Variants in DENND1B observed in about 807,000 individuals in gnomAD.
DENND1B encodes DENN domain containing 1B.
DENND1B carries 59 observed loss-of-function variants against 90.1 expected under a neutral mutation model. That is an observed-to-expected ratio of 0.65 (90% CI 0.53 to 0.81). The LOEUF is 0.81. DENND1B is among the 40% of genes least tolerant of loss of function. The pLI is 0.00. For synonymous variants in DENND1B, 337 were observed against 324.6 expected (o/e 1.04, Z -0.41); for missense variants, 862 against 912.6 (o/e 0.94, Z 0.71).
intron 10 of DENND1B, 21 bp from the exon 11 acceptor site, chr1:197,617,780 A>G (rs1188710090): frequency 6.4e-7 from 1 of 1,573,218 alleles, no homozygotes; most frequent in Non-Finnish European, 8.7e-7. Flanking sequence ...TAAAAGGATA[A>G]CAAAAATAAG....
intron 13 of DENND1B, among the ~76,000 whole-genome samples, chr1:197,601,206 T>C (rs2125823896): frequency 6.7e-6 from 1 of 150,338 alleles, no homozygotes; most frequent in South Asian, 2.1e-4. Flanking sequence ...CTTAGCACAA[T>C]GCGTGTACAT....
intron 3 of DENND1B, among the ~76,000 whole-genome samples, chr1:197,688,146 A>T (rs931670070): frequency 3.3e-5 from 5 of 152,104 alleles, no homozygotes; most frequent in Non-Finnish European, 7.4e-5. Flanking sequence ...AAAACTATAA[A>T]ACACTGATGA....
chr1:197,645,711 TC>T lies in DENND1B; in HGVS notation c.539del (p.Gly180AspfsTer20). 6.4e-7 allele frequency: 1 copy of T among 1,565,588 alleles called. No individual in the cohort carries two copies. The highest frequency in any genetic ancestry group is 8.7e-7 in the Non-Finnish European group (1 of 1,155,696). The stretch of plus-strand genomic sequence containing the variant: ...TTACACTCTCGGGTATTGTTGGGAG[TC>T]CAGTTACATCAGGGGCAATGAAGTA... The part of the protein sequence containing the change: ...HSYFIAPDVT[G>X]LPTIPESRNL... On this transcript the variant is annotated frameshift_variant, in exon 9 of 23. Transcript: ENST00000620048. LOFTEE classifies it high-confidence loss of function.
Position 197,735,933 on chromosome 1 carries a change from G to C in DENND1B, c.83-20859C>G, listed in dbSNP as rs1259245836. The C allele has an allele frequency of 1.0e-5, 15 of 1,493,470 alleles. No homozygotes were observed. In the East Asian group the frequency reaches 3.4e-4, roughly 34 times the overall value. 92.5% of individuals were successfully genotyped at this position (1,493,470 alleles called of 1,614,324 possible). A position where few individuals can be genotyped will look rare whatever the true frequency, so the allele number is the denominator to read the frequency against. On this transcript the variant is annotated intron_variant, in intron 2 of 22. Coordinates refer to ENST00000620048, the MANE Select transcript of DENND1B (RefSeq NM_001195215.2). ...GGCCAAGAGGAATCAGAAACCTGAA[G>C]TTAGAAAGGCTCAACGAGAACAAGG...
intron 2 of DENND1B, among the ~76,000 whole-genome samples, chr1:197,754,732 AC>A (rs1293393962): frequency 6.7e-6 from 1 of 150,270 alleles, no homozygotes; most frequent in African/African-American, 2.5e-5. Flanking sequence ...GATGTTCATA[AC>A]AAATTATCAA....
rs563096644 is a variant in DENND1B, at chr1:197,508,555, T to A, written c.*1905A>T. On this transcript the variant is annotated 3_prime_UTR_variant, in exon 23 of 23. Coordinates refer to ENST00000620048, the MANE Select transcript of DENND1B (RefSeq NM_001195215.2). ...CCCAAATAACACATATCCATTTAGA[T>A]TTTGAAACGTAGGTTTTAAAAAAAC... The A allele has an allele frequency of 1.4e-4, 22 of 151,882 alleles. No homozygotes were observed. The highest frequency in any genetic ancestry group is 5.3e-4 in the African/African-American group (22 of 41,506). 9.4% of individuals were successfully genotyped at this position (151,882 alleles called of 1,614,324 possible). A position where few individuals can be genotyped will look rare whatever the true frequency, so the allele number is the denominator to read the frequency against.
intron 15 of DENND1B, among the ~76,000 whole-genome samples, chr1:197,571,925 A>G (rs137893237): frequency 5.2e-4 from 79 of 152,302 alleles, no homozygotes; most frequent in African/African-American, 1.9e-3. Context: ...AGATATGAAT[A>G]AAAATCTAAA....
chr1:197,692,770 T>C (rs780386703), intron 3 of DENND1B, among the ~76,000 whole-genome samples: 8 of 151,812 alleles, frequency 5.3e-5, no homozygotes, highest in Non-Finnish European at 1.0e-4. Context: ...TATCAAATTA[T>C]ATTTTTCAGT....
chr1:197,651,700 G>C (rs1305100531), intron 7 of DENND1B, among the ~76,000 whole-genome samples: 2 of 123,924 alleles, frequency 1.6e-5, no homozygotes, highest in East Asian at 5.3e-4. Context: ...CTGTCACCCA[G>C]GCTGGAGTGC....
At chr1:197,626,998 T>G (rs1200035323) in intron 10 of DENND1B, among the ~76,000 whole-genome samples, 8 of 152,164 alleles carry the variant, frequency 5.3e-5, no homozygotes, top group Admixed American at 4.6e-4. Context: ...AATCTCTGAA[T>G]AGACCAATAA....
In DENND1B at chr1:197,614,898, T is replaced by C. The variant is rs190823605; in HGVS notation, c.773+2761A>G. 3.0e-4 allele frequency among the ~76,000 whole-genome samples: 45 copies of C among 151,102 alleles called. No individual in the cohort carries two copies. In the East Asian group the frequency reaches 7.6e-3, roughly 26 times the overall value. ...AGTCCTACAGTCACACTACCTGCCATGTGTTTATGGACTTAGATAGGTTAA... is the reference window on the plus strand; with the variant it reads ...AGTCCTACAGTCACACTACCTGCCACGTGTTTATGGACTTAGATAGGTTAA... On this transcript the variant is annotated intron_variant, in intron 11 of 22. Transcript: ENST00000620048.
At position 197,658,261 on chromosome 1, in the gene DENND1B, AT is replaced by A. The variant is rs754524703; in HGVS notation, c.366+38del. ...AAATGGTAAGTTTTGTGTTATAAGT[AT>A]TTTACCACAATTTAAAAATGGGGAA... On this transcript the variant is annotated intron_variant, in intron 6 of 22. Transcript: ENST00000620048. The A allele has an allele frequency of 6.0e-6, 9 of 1,493,084 alleles. No individual in the cohort carries two copies. The African/African-American group carries it at 8.3e-5, about 14-fold the overall frequency. 92.5% of individuals were successfully genotyped at this position (1,493,084 alleles called of 1,614,324 possible). A position where few individuals can be genotyped will look rare whatever the true frequency, so the allele number is the denominator to read the frequency against.
intron 3 of DENND1B, 54 bp downstream of exon 3, chr1:197,714,977 C>T (rs1315332668): frequency 7.6e-7 from 1 of 1,322,942 alleles, no homozygotes; most frequent in Non-Finnish European, 1.1e-6. Context: ...GTAATAGTAG[C>T]AACAATCATA....
chr1:197,567,657 AACAT>A (rs1672791206), intron 15 of DENND1B, among the ~76,000 whole-genome samples: 1 of 152,164 alleles, frequency 6.6e-6, no homozygotes, highest in Non-Finnish European at 1.5e-5. Context: ...AGGATGGTTC[AACAT>A]TCACAAATCA....
intron 3 of DENND1B, among the ~76,000 whole-genome samples, chr1:197,675,229 A>C (rs1186764353): frequency 6.6e-6 from 1 of 152,142 alleles, no homozygotes; most frequent in Non-Finnish European, 1.5e-5. Flanking sequence ...CACTAAAACT[A>C]AGGTCTACAG....
chr1:197,698,850 G>C (rs1658724607), intron 3 of DENND1B, among the ~76,000 whole-genome samples: 1 of 152,064 alleles, frequency 6.6e-6, no homozygotes, highest in Admixed American at 6.6e-5. Flanking sequence ...ACACTCCCAG[G>C]ACTAAACCAC....
At chr1:197,520,011 A>G (rs1040738483) in intron 20 of DENND1B, among the ~76,000 whole-genome samples, 2 of 151,876 alleles carry the variant, frequency 1.3e-5, no homozygotes, top group Non-Finnish European at 2.9e-5. Context: ...ATGGGAGATG[A>G]GAATTTAGTA....
In DENND1B at chr1:197,632,482, T is replaced by A. The variant is rs995369760; in HGVS notation, c.672+10229A>T. 4.5e-4 allele frequency among the ~76,000 whole-genome samples: 69 copies of A among 152,122 alleles called. 1 individual carries two copies. The highest frequency in any genetic ancestry group is 1.5e-3 in the African/African-American group (61 of 41,418). On this transcript the variant is annotated intron_variant, in intron 10 of 22. Transcript: ENST00000620048. ...AAACTCTGTAGTCTGCCACTCTATC[T>A]CCTAATATCTCCCATGTTAGAATTT... is the stretch of plus-strand genomic sequence containing the variant.
intron 5 of DENND1B, among the ~76,000 whole-genome samples, chr1:197,661,550 A>T (rs1274543906): frequency 6.6e-6 from 1 of 152,156 alleles, no homozygotes; most frequent in Non-Finnish European, 1.5e-5. Context: ...GGAGCTTTAG[A>T]TAAAGCAAAA....
Sources: gnomAD v4.1 joint callset for allele counts (sites outside exome capture counted in the v4.1 genomes callset) on GRCh38, gnomAD v4.1.1 for gene constraint, MANE v1.5 for transcripts, NCBI Gene and HGNC (gene_info 2026-07-23, HGNC 2026-07-21) for gene names.